Variants in IL12RB1 observed in about 807,000 individuals in gnomAD.
IL12RB1 encodes the protein interleukin-12 receptor subunit beta-1.
Under a neutral mutation model 94.4 loss-of-function variants are expected in IL12RB1, and 64 were observed. That is an observed-to-expected ratio of 0.68 (90% CI 0.55 to 0.83). The LOEUF (loss-of-function observed/expected upper bound fraction) is 0.83. Among genes scored for constraint, IL12RB1 ranks in the 40% least tolerant of loss-of-function variants. The probability of loss-of-function intolerance (pLI) is 0.00; values close to 1 mark genes in which losing one functional copy is unlikely to be tolerated. For missense variants in IL12RB1, 814 were observed against 855.6 expected (o/e 0.95, Z 0.61); for synonymous variants, 362 against 355.5 (o/e 1.02, Z -0.21).
In IL12RB1 at chr19:18,062,218, G is replaced by T. The variant is rs1376882979; in HGVS notation, c.1678C>A (p.Leu560Ile). ...AGGTAGCCAAGGACGCCCACGAGAA[G>T]GATGCTCAGGAAGCTCCCCAGGGAG... is the stretch of plus-strand genomic sequence containing the variant. ...FASLGSFLSILLVGVLGYLGL... is the reference protein window; with the variant it reads ...FASLGSFLSIILVGVLGYLGL... The change falls in exon 14 of 17, where the codon CTT becomes ATT. Residue 560 changes from leucine (L) to isoleucine (I), a missense_variant. Physicochemically the swap from Leu to Ile is conservative, Grantham distance 5 (BLOSUM62 2). Coordinates refer to ENST00000593993, the MANE Select transcript of IL12RB1 (RefSeq NM_005535.3). 4 of 1,613,438 alleles carry T rather than the reference G, an allele frequency of 2.5e-6. No individual in the cohort carries two copies. The Admixed American group carries it at 6.7e-5, about 27-fold the overall frequency.
rs770300060 is a variant in IL12RB1 at position 18,086,800 on chromosome 19, C to T, written c.24G>A (p.Val8=). 2 of 1,611,884 alleles carry T rather than the reference C, an allele frequency of 1.2e-6. No homozygotes were observed. Among genetic ancestry groups the T allele is most frequent in the Admixed American group, 3.3e-5 (2 of 59,860 alleles). MEPLVTW[V]VPLLFLFLLS... is the part of the protein sequence containing the mutation. Reference sequence around the variant, plus strand: ...GCAGGAAGAGGAAGAGGAGGGGGACCACCCAGGTCACCAGCGGCTCCATCG... The same window carrying T: ...GCAGGAAGAGGAAGAGGAGGGGGACTACCCAGGTCACCAGCGGCTCCATCG... The change falls in exon 1 of 17, where the codon GTG becomes GTA. Residue 8 remains valine (V), a synonymous_variant. Transcript: ENST00000593993.
upstream of IL12RB1, among the ~76,000 whole-genome samples, chr19:18,088,881 T>G (rs572807513): frequency 5.1e-4 from 78 of 151,940 alleles, 1 homozygote; most frequent in South Asian, 0.016. Context: ...AATACAAAAA[T>G]TTGCCAGGCC....
chr19:18,093,342 A>ATATATATATATATATT (rs770713233), intron 1 of IL12RB1, among the ~76,000 whole-genome samples: 2,457 of 149,756 alleles, frequency 0.016, 76 homozygotes, highest in African/African-American at 0.058. Context: ...ATATATATAT[A>ATATATATATATATATT]TATATACTTG....
chr19:18,072,904 G>A lies in IL12RB1; in HGVS notation c.784-555C>T, dbSNP rs574378282. On this transcript the variant is annotated intron_variant, in intron 8 of 16. Coordinates refer to ENST00000593993, the MANE Select transcript of IL12RB1 (RefSeq NM_005535.3). Reference sequence around the variant, plus strand: ...GGAGCTTGTAGTGAGCCGAGATGGCGCCACTGCACTCCAGCCTGGGCGACA... The same window carrying A: ...GGAGCTTGTAGTGAGCCGAGATGGCACCACTGCACTCCAGCCTGGGCGACA... 5.7e-3 allele frequency among the ~76,000 whole-genome samples: 798 copies of A among 140,502 alleles called. 7 individuals are homozygous for A. The highest frequency in any genetic ancestry group is 0.02 in the African/African-American group (740 of 37,206). The allele number at this position is 140,502 out of a possible 152,430, so 92.2% of individuals were successfully genotyped here.
At chr19:18,069,379 G>A (rs1177676431) in intron 10 of IL12RB1, among the ~76,000 whole-genome samples, 167 bp downstream of exon 10, 1 of 152,192 alleles carries the variant, frequency 6.6e-6, no homozygotes, top group Non-Finnish European at 1.5e-5. Flanking sequence ...TGGGTGAGAG[G>A]CTCCGAACCT....
chr19:18,094,677 A>G (rs2036802681), intron 1 of IL12RB1, among the ~76,000 whole-genome samples: 1 of 152,206 alleles, frequency 6.6e-6, no homozygotes, highest in Admixed American at 6.6e-5. Context: ...CAGCCTGGGT[A>G]ACATGGCGAA....
intron 9 of IL12RB1, chr19:18,071,082 C>CA (rs2034999791): frequency 5.7e-5 from 14 of 245,654 alleles, no homozygotes; most frequent in South Asian, 5.5e-4. Flanking sequence ...ACTAAAAATA[C>CA]AAAAATTAGG....
chr19:18,074,789 C>T (rs1335851947), intron 7 of IL12RB1, among the ~76,000 whole-genome samples: 4 of 151,316 alleles, frequency 2.6e-5, no homozygotes, highest in African/African-American at 7.3e-5. Flanking sequence ...CGGTGGCTCA[C>T]GCCTGTAATC....
intron 1 of IL12RB1, among the ~76,000 whole-genome samples, chr19:18,095,195 G>T (rs73022052): frequency 0.052 from 7,940 of 152,090 alleles, 274 homozygotes; most frequent in Middle Eastern, 0.075. Context: ...AATAAATAAA[G>T]AAATAAATCT....
chr19:18,080,768 C>T lies in IL12RB1; in HGVS notation c.409+64G>A, dbSNP rs2035840879. 4 of 1,095,312 alleles carry T rather than the reference C, an allele frequency of 3.7e-6. No individual in the cohort carries two copies. In the East Asian group the frequency reaches 9.4e-5, roughly 26 times the overall value. The allele number at this position is 1,095,312 out of a possible 1,614,324, so 67.8% of individuals were successfully genotyped here. ...CAAGGGCCAGGAATCCTCTCTAGCT[C>T]CAGCCTTGCAGCCTGATGGCCTCTC... On this transcript the variant is annotated intron_variant, in intron 4 of 16. Coordinates refer to ENST00000593993, the MANE Select transcript of IL12RB1 (RefSeq NM_005535.3).
At chr19:18,071,997 G>C (rs2035089551) in intron 9 of IL12RB1, 115 bp downstream of exon 9, 1 of 746,378 alleles carries the variant, frequency 1.3e-6, no homozygotes, top group African/African-American at 1.7e-5. Context: ...CCCTAAATCA[G>C]GCACTCCTTT....
upstream of IL12RB1, among the ~76,000 whole-genome samples, chr19:18,091,883 T>C (rs1433994326): frequency 4.7e-5 from 7 of 150,014 alleles, no homozygotes; most frequent in Non-Finnish European, 8.9e-5. Flanking sequence ...TTTTTTTTTT[T>C]TTTTTACTTT....
In IL12RB1 at chr19:18,072,036, T is replaced by C. The variant is rs1254217694; in HGVS notation, c.1021+76A>G. 6.4e-5 allele frequency: 65 copies of C among 1,019,278 alleles called. No individual in the cohort carries two copies. In the Admixed American group the frequency reaches 1.1e-3, roughly 17 times the overall value. 63.1% of individuals were successfully genotyped at this position (1,019,278 alleles called of 1,614,324 possible). The stretch of plus-strand genomic sequence containing the variant: ...ATTTTCTGCCTCGCTCCTCTCACCC[T>C]GGTCTAGCTGAGGCTCAGAGTAGGT... On this transcript the variant is annotated intron_variant, in intron 9 of 16. Coordinates refer to ENST00000593993, the MANE Select transcript of IL12RB1 (RefSeq NM_005535.3).
rs1487081223 is a variant in IL12RB1 at position 18,081,546 on chromosome 19, G to A, written c.240-545C>T. Among the ~76,000 whole-genome samples, 6 of 151,380 alleles carry A rather than the reference G, an allele frequency of 4.0e-5. No individual in the cohort carries two copies. The South Asian group carries it at 1.0e-3, about 26-fold the overall frequency. ...GAAGAAACGAATGAAAGGGCTGGGC[G>A]CAGTGCCTCACGCTTGTAATCCCAG... On this transcript the variant is annotated intron_variant, in intron 3 of 16. Coordinates refer to ENST00000593993, the MANE Select transcript of IL12RB1 (RefSeq NM_005535.3).
chr19:18,070,568 T>C, intron 9 of IL12RB1: 4 of 983,602 alleles, frequency 4.1e-6, no homozygotes, highest in Non-Finnish European at 2.4e-6. Flanking sequence ...ATTCTGGGGA[T>C]AGCAACAGCC....
rs781095220 is a variant in IL12RB1, at chr19:18,077,541, C to T, written c.524G>A (p.Arg175Gln). Residue 175 changes from arginine (R) to glutamine (Q), a missense_variant, in exon 5 of 17, where the codon CGG (arginine) becomes CAG (glutamine). Coordinates refer to ENST00000593993, the MANE Select transcript of IL12RB1 (RefSeq NM_005535.3). ...QVGAEVQFRH[R>Q]TPSSPWKLGD... is the part of the protein sequence containing the mutation. ...CAACTTCCATGGGCTGCTGGGTGTCCGGTGCCGGAACTGCACCTCAGCACC... is the reference window on the plus strand; with the variant it reads ...CAACTTCCATGGGCTGCTGGGTGTCTGGTGCCGGAACTGCACCTCAGCACC... The T allele has an allele frequency of 1.2e-5, 19 of 1,611,912 alleles. No homozygotes were observed. The highest frequency in any genetic ancestry group is 1.4e-5 in the Non-Finnish European group (16 of 1,178,794).
intron 1 of IL12RB1, among the ~76,000 whole-genome samples, chr19:18,084,084 T>C (rs1176909163): frequency 5.8e-5 from 7 of 121,682 alleles, no homozygotes; most frequent in East Asian, 3.0e-4. Flanking sequence ...TCCATGTATT[T>C]ATCCATCCAT....
rs757331863 is a variant in IL12RB1 at position 18,077,531 on chromosome 19, G to T, written c.534C>A (p.Ser178Arg). 1.9e-5 allele frequency: 31 copies of T among 1,611,338 alleles called. No homozygotes were observed. The highest frequency in any genetic ancestry group is 2.3e-5 in the Non-Finnish European group (27 of 1,178,486). ...ACAAACTCACCAACTTCCATGGGCT[G>T]CTGGGTGTCCGGTGCCGGAACTGCA... Reference protein sequence around the residue: ...AEVQFRHRTPSSPWKLGDCGP... With the variant: ...AEVQFRHRTPRSPWKLGDCGP... The change falls in exon 5 of 17, where the codon AGC becomes AGA. Residue 178 changes from serine to arginine, a missense_variant. Ser to Arg is a moderately radical substitution (Grantham distance 110). Coordinates refer to ENST00000593993, the MANE Select transcript of IL12RB1 (RefSeq NM_005535.3).
rs370140605 is a variant in IL12RB1 at position 18,080,384 on chromosome 19, G to A, written c.409+448C>T. Among the ~76,000 whole-genome samples, 55 of 151,930 alleles carry A rather than the reference G, an allele frequency of 3.6e-4. 1 individual carries two copies. The highest frequency in any genetic ancestry group is 1.6e-3 in the Admixed American group (25 of 15,244). On this transcript the variant is annotated intron_variant, in intron 4 of 16. Coordinates refer to ENST00000593993, the MANE Select transcript of IL12RB1 (RefSeq NM_005535.3). ...CTCCCCAGTAGCTGGGACTACAGGCGCGCGTGGCCACTCCTGGCTAATTTT... is the reference window on the plus strand; with the variant it reads ...CTCCCCAGTAGCTGGGACTACAGGCACGCGTGGCCACTCCTGGCTAATTTT...
Sources: gnomAD v4.1 joint callset for allele counts (sites outside exome capture counted in the v4.1 genomes callset) on GRCh38, gnomAD v4.1.1 for gene constraint, MANE v1.5 for transcripts, NCBI Gene and HGNC (gene_info 2026-07-23, HGNC 2026-07-21) for gene names.